Variants in CD200R1 observed in about 807,000 individuals in gnomAD.
The protein encoded by CD200R1 is CD200 receptor 1.
Under a neutral mutation model 38.1 loss-of-function variants are expected in CD200R1, and 30 were observed. The ratio of observed to expected loss-of-function variants is 0.79; its 90% confidence interval spans 0.59 to 1.07. CD200R1 has a LOEUF of 1.07. Among genes scored for constraint, CD200R1 ranks in the 50% least tolerant of loss-of-function variants. CD200R1 has a pLI of 0.00. For missense variants in CD200R1, 372 were observed against 415.4 expected (o/e 0.90, Z 0.91); for synonymous variants, 128 against 152.1 (o/e 0.84, Z 1.16).
chr3:112,947,774 C>A (rs771191305), intron 2 of CD200R1, 82 bp downstream of exon 2: 5 of 840,310 alleles, frequency 6.0e-6, no homozygotes, highest in Non-Finnish European at 6.2e-6. Context: ...ATGCATGAGA[C>A]AATTCAAGAT....
At chr3:112,955,772 T>C (rs1011069907) in intron 1 of CD200R1, among the ~76,000 whole-genome samples, 1 of 151,812 alleles carries the variant, frequency 6.6e-6, no homozygotes, top group African/African-American at 2.4e-5. Flanking sequence ...AAAGTATTCA[T>C]GATTGGTAGG....
In CD200R1 at chr3:112,929,278, G is replaced by C; in HGVS notation, c.432C>G (p.Thr144=). Residue 144 remains threonine, a synonymous_variant, in exon 4 of 8, where the codon ACC becomes ACG. Transcript: ENST00000308611. The part of the protein sequence containing the change: ...PDQNSDLQIR[T]VAITHDGYYR... ...AATACCCGTCATGAGTGATGGCCACGGTACGAATCTGAAGGTCCGAATTCT... is the reference window on the plus strand; with the variant it reads ...AATACCCGTCATGAGTGATGGCCACCGTACGAATCTGAAGGTCCGAATTCT... 6.2e-7 allele frequency: 1 copy of C among 1,613,310 alleles called. No individual in the cohort carries two copies. Among genetic ancestry groups the C allele is most frequent in the Non-Finnish European group, 8.5e-7 (1 of 1,179,796 alleles).
intron 1 of CD200R1, among the ~76,000 whole-genome samples, chr3:112,971,229 C>T (rs1576157983): frequency 6.6e-6 from 1 of 152,182 alleles, no homozygotes; most frequent in African/African-American, 2.4e-5. Context: ...TGCTATAAAA[C>T]CTAATACAAT....
rs1435433512 is a variant in CD200R1 at position 112,929,503 on chromosome 3, G to A, written c.207C>T (p.Asn69=). 2 of 1,606,272 alleles carry A rather than the reference G, an allele frequency of 1.2e-6. No individual in the cohort carries two copies. The highest frequency in any genetic ancestry group is 1.7e-5 in the Admixed American group (1 of 58,466). Residue 69 remains asparagine, a synonymous_variant, in exon 4 of 8, where the codon AAC becomes AAT. Coordinates refer to ENST00000308611, the MANE Select transcript of CD200R1 (RefSeq NM_138806.4). ...TAGCCATCTTTACAGGCCATGAAGTGTTAACTGGACATGAAAAGAGAATGA... is the reference window on the plus strand; with the variant it reads ...TAGCCATCTTTACAGGCCATGAAGTATTAACTGGACATGAAAAGAGAATGA... ...QNYSKVLAEV[N]TSWPVKMATN...
At chr3:112,939,615 T>C (rs1293680606) in intron 2 of CD200R1, among the ~76,000 whole-genome samples, 1 of 151,674 alleles carries the variant, frequency 6.6e-6, no homozygotes, top group Non-Finnish European at 1.5e-5. Context: ...AGTAAAGCCA[T>C]ACAACACTGC....
chr3:112,975,005 T>TAGCCCCTTCC lies in CD200R1; in HGVS notation c.-158_-149dup. 1 of 644,158 alleles carries TAGCCCCTTCC rather than the reference T, an allele frequency of 1.6e-6. No individual in the cohort carries two copies. Among genetic ancestry groups the TAGCCCCTTCC allele is most frequent in the Non-Finnish European group, 2.8e-6 (1 of 360,356 alleles). The allele number at this position is 644,158 out of a possible 1,614,324, so 39.9% of individuals were successfully genotyped here. A position where few individuals can be genotyped will look rare whatever the true frequency, so the allele number is the denominator to read the frequency against. On this transcript the variant is annotated 5_prime_UTR_variant, in exon 1 of 8. Coordinates refer to ENST00000308611, the MANE Select transcript of CD200R1 (RefSeq NM_138806.4). ...CAACAGTGGGGCACTCCCTTCCTTC[T>TAGCCCCTTCC]AGCCCCTTCCTTCACGTCTATGTGG...
chr3:112,923,847 G>C lies in CD200R1; in HGVS notation c.925-48C>G, dbSNP rs541699246. 2.1e-5 allele frequency: 26 copies of C among 1,209,874 alleles called. No individual in the cohort carries two copies. In the African/African-American group the frequency reaches 3.7e-4, roughly 17 times the overall value. The allele number at this position is 1,209,874 out of a possible 1,614,324, so 74.9% of individuals were successfully genotyped here. A position where few individuals can be genotyped will look rare whatever the true frequency, so the allele number is the denominator to read the frequency against. ...AATCAATTCAAAAAATCATCATAGA[G>C]ACTATCTGTATTTTTGTAACAGTTG... On this transcript the variant is annotated intron_variant, in intron 7 of 7. Transcript: ENST00000308611.
intron 1 of CD200R1, among the ~76,000 whole-genome samples, chr3:112,972,582 G>A (rs932731429): frequency 6.6e-6 from 1 of 152,148 alleles, no homozygotes; most frequent in African/African-American, 2.4e-5. Context: ...AGGGTACGGG[G>A]AGTGTCCGGG....
intron 1 of CD200R1, among the ~76,000 whole-genome samples, chr3:112,953,274 T>A (rs572615076): frequency 5.9e-5 from 9 of 152,222 alleles, no homozygotes; most frequent in Non-Finnish European, 1.2e-4. Context: ...TTTGTGTATG[T>A]TGATCCTTAC....
intron 2 of CD200R1, among the ~76,000 whole-genome samples, chr3:112,940,546 T>C (rs1312418838): frequency 2.0e-5 from 3 of 151,808 alleles, no homozygotes; most frequent in Non-Finnish European, 4.4e-5. Flanking sequence ...AACAAATACA[T>C]GAAAAAGTGC....
intron 2 of CD200R1, among the ~76,000 whole-genome samples, chr3:112,945,724 A>G (rs1291592319): frequency 6.6e-6 from 1 of 152,220 alleles, no homozygotes; most frequent in Non-Finnish European, 1.5e-5. Context: ...CAGTAAAATT[A>G]AAAATTTCTA....
chr3:112,924,575 T>C, intron 6 of CD200R1, 40 bp from the exon 7 acceptor site: 1 of 1,093,544 alleles, frequency 9.1e-7, no homozygotes, highest in Non-Finnish European at 1.2e-6. Context: ...GGAGGAAACA[T>C]CATTGTTTAG....
chr3:112,930,679 G>T (rs1940409219), intron 3 of CD200R1, among the ~76,000 whole-genome samples: 1 of 152,182 alleles, frequency 6.6e-6, no homozygotes, highest in South Asian at 2.1e-4. Flanking sequence ...CTATAGAGGG[G>T]CAAACCTTTA....
intron 6 of CD200R1, 22 bp downstream of exon 6, chr3:112,925,063 A>G: frequency 7.1e-7 from 1 of 1,403,786 alleles, no homozygotes; most frequent in Non-Finnish European, 1.0e-6. Context: ...TGAAGAAGAA[A>G]AAAACATTCA....
chr3:112,929,552 C>A, intron 3 of CD200R1, 45 bp from the exon 4 acceptor site: 1 of 1,506,126 alleles, frequency 6.6e-7, no homozygotes, highest in Non-Finnish European at 9.0e-7. Flanking sequence ...TGATAAAGAA[C>A]TTCATGTGTT....
intron 1 of CD200R1, 58 bp from the exon 2 acceptor site, chr3:112,947,982 C>T: frequency 9.8e-7 from 1 of 1,022,172 alleles, no homozygotes; most frequent in Admixed American, 1.7e-5. Flanking sequence ...ATAGATCTGA[C>T]TCCTAGTTAA....
In CD200R1 at chr3:112,974,874, T is replaced by A. The variant is rs534121964; in HGVS notation, c.-17A>T. ...GCAGAGCATTTCTGTTTTCTCTTTT[T>A]CTGCCCTTCACTCAGTACTTTTCCT... On this transcript the variant is annotated 5_prime_UTR_variant, in exon 1 of 8. Transcript: ENST00000308611. The A allele has an allele frequency of 2.7e-5, 44 of 1,608,958 alleles. No individual in the cohort carries two copies. In the South Asian group the frequency reaches 3.4e-4, roughly 12 times the overall value.
chr3:112,950,302 T>A (rs1182649323), intron 1 of CD200R1, among the ~76,000 whole-genome samples: 2 of 151,564 alleles, frequency 1.3e-5, no homozygotes, highest in East Asian at 3.9e-4. Context: ...CTTGGGAGGC[T>A]GATGCAGAGA....
intron 1 of CD200R1, 150 bp from the exon 2 acceptor site, chr3:112,948,074 G>C: frequency 1.5e-6 from 1 of 647,212 alleles, no homozygotes; most frequent in Non-Finnish European, 2.8e-6. Context: ...CCAAGCAAAA[G>C]TCTTGGCAAA....
Sources: allele counts gnomAD v4.1 joint callset (sites outside exome capture counted in the v4.1 genomes callset), GRCh38; gene constraint gnomAD v4.1.1; transcripts MANE v1.5; gene names NCBI Gene and HGNC (gene_info 2026-07-23, HGNC 2026-07-21).